The following ZNF18 variants were observed in gnomAD, a reference collection of about 807,000 sequenced individuals.
The protein encoded by ZNF18 is heart development-specific gene 1 protein.
A neutral mutation model predicts 58.1 loss-of-function variants in ZNF18; 42 were observed. The observed-to-expected ratio is 0.72, with a 90% CI of 0.56 to 0.93. ZNF18 has a LOEUF of 0.93. ZNF18 is among the 40% of genes least tolerant of loss of function. The pLI, the probability that ZNF18 is intolerant of heterozygous loss-of-function variation, is 0.00. For missense variants in ZNF18, 540 were observed against 644.2 expected, an observed-to-expected ratio of 0.84 and a Z score of 1.75; for synonymous variants, 231 against 239.8, an observed-to-expected ratio of 0.96 and a Z score of 0.34.
rs771514320 is a variant in ZNF18, at chr17:11,992,845, G to C, written c.-16C>G. The stretch of plus-strand genomic sequence containing the variant: ...CAACGGGCATTGTCCAGCCTGGCAA[G>C]TCCTTTTAAGTAAAGTGCTTCTGCA... On this transcript the variant is annotated 5_prime_UTR_variant, in exon 2 of 7. Transcript: ENST00000580306. 1.2e-6 allele frequency: 2 copies of C among 1,600,896 alleles called. No individual in the cohort carries two copies. The highest frequency in any genetic ancestry group is 2.2e-5 in the South Asian group (2 of 90,532).
chr17:12,017,530 A>C, the ZNF18 span, among the ~76,000 whole-genome samples: 1 of 152,198 alleles, frequency 6.6e-6, no homozygotes, highest in East Asian at 1.9e-4. Flanking sequence ...TGGGGTCCTA[A>C]GGTGAAATCC....
chr17:12,006,446 G>A, the ZNF18 span, among the ~76,000 whole-genome samples: 2 of 152,182 alleles, frequency 1.3e-5, no homozygotes, highest in African/African-American at 4.8e-5. Flanking sequence ...AGAATTAAAT[G>A]AGACAATATA....
chr17:11,982,699 T>TGTGTGTGTGTGTG (rs56065701), intron 6 of ZNF18, among the ~76,000 whole-genome samples: 2 of 149,240 alleles, frequency 1.3e-5, no homozygotes, highest in Admixed American at 6.7e-5. Context: ...TGTGTGTGTG[T>TGTGTGTGTGTGTG]AGGTTTCGCA....
At chr17:11,983,987 T>G (rs1458174868) in intron 5 of ZNF18, 126 bp downstream of exon 5, 2 of 760,966 alleles carry the variant, frequency 2.6e-6, no homozygotes, top group Non-Finnish European at 4.1e-6. Flanking sequence ...TTCCCAACTG[T>G]GTCCCTAACG....
the ZNF18 span, among the ~76,000 whole-genome samples, chr17:12,015,034 C>A: frequency 6.6e-6 from 1 of 151,606 alleles, no homozygotes; most frequent in African/African-American, 2.4e-5. Context: ...GGCAACAGAG[C>A]AAGACTCCAT....
At chr17:11,998,792 T>G (rs1006392672), upstream of ZNF18, among the ~76,000 whole-genome samples, 10 of 152,120 alleles carry the variant, frequency 6.6e-5, no homozygotes, top group African/African-American at 2.4e-4. Context: ...AAACTACTGT[T>G]TCAGCCTGAC....
chr17:12,007,277 G>A, the ZNF18 span, among the ~76,000 whole-genome samples: 1 of 152,228 alleles, frequency 6.6e-6, no homozygotes, highest in East Asian at 1.9e-4. Flanking sequence ...ATGCAGATTT[G>A]GGAAGCTTCT....
intron 1 of ZNF18, among the ~76,000 whole-genome samples, chr17:11,994,789 T>C (rs902638929): frequency 2.5e-4 from 38 of 151,822 alleles, no homozygotes; most frequent in African/African-American, 9.0e-4. Flanking sequence ...TGCAGTGAGC[T>C]GAGATCGTGC....
chr17:12,021,218 T>C, the ZNF18 span: 1 of 309,966 alleles, frequency 3.2e-6, no homozygotes, highest in Non-Finnish European at 5.9e-6. Context: ...CCGCGGCCTC[T>C]GCCTGCGCTT....
the ZNF18 span, among the ~76,000 whole-genome samples, chr17:12,010,582 A>AT: frequency 1.5e-4 from 23 of 151,786 alleles, no homozygotes; most frequent in Admixed American, 5.3e-4. Context: ...CGCCCAGCTA[A>AT]TTTTTTTGTA....
the ZNF18 span, among the ~76,000 whole-genome samples, chr17:12,010,075 G>A: frequency 1.3e-5 from 2 of 151,960 alleles, no homozygotes; most frequent in East Asian, 3.9e-4. Flanking sequence ...GTCGAGAATA[G>A]ATTAGAATAG....
the ZNF18 span, among the ~76,000 whole-genome samples, chr17:12,005,513 T>C: frequency 1.3e-5 from 2 of 152,186 alleles, no homozygotes. Context: ...AATTACCAGA[T>C]GGCATTGAAA....
upstream of ZNF18, among the ~76,000 whole-genome samples, chr17:12,000,711 T>C (rs936733856): frequency 1.3e-5 from 2 of 152,014 alleles, no homozygotes; most frequent in Non-Finnish European, 2.9e-5. Context: ...AGCGAAACTC[T>C]GTCAGAAAGA....
At chr17:12,010,907 A>C in the ZNF18 span, 1 of 536,550 alleles carries the variant, frequency 1.9e-6, no homozygotes, top group African/African-American at 1.9e-5. Context: ...CACTTGTTTC[A>C]GGAAGCTATC....
chr17:12,006,341 A>G, the ZNF18 span, among the ~76,000 whole-genome samples: 94,759 of 151,962 alleles, frequency 0.62, 30,267 homozygotes, highest in East Asian at 0.81. Context: ...AATATCCCCA[A>G]TATAATAATA....
upstream of ZNF18, among the ~76,000 whole-genome samples, chr17:11,998,846 T>G (rs75754250): frequency 0.33 from 38,268 of 115,616 alleles, 4,756 homozygotes; most frequent in East Asian, 0.5. Flanking sequence ...TTTTTTTTTT[T>G]TGTATTTTTG....
chr17:11,998,045 T>A (rs1197384435), upstream of ZNF18, among the ~76,000 whole-genome samples: 1 of 132,438 alleles, frequency 7.6e-6, no homozygotes, highest in Non-Finnish European at 1.7e-5. Flanking sequence ...TCCACCTGCG[T>A]CTCTCTCTCT....
chr17:11,981,856 A>G (rs774240396), intron 6 of ZNF18, among the ~76,000 whole-genome samples: 1 of 152,096 alleles, frequency 6.6e-6, no homozygotes, highest in Non-Finnish European at 1.5e-5. Flanking sequence ...ACAACCCACT[A>G]TAAGTTCTAT....
At chr17:11,983,795 G>C (rs1967539289) in intron 5 of ZNF18, among the ~76,000 whole-genome samples, 1 of 152,164 alleles carries the variant, frequency 6.6e-6, no homozygotes, top group South Asian at 2.1e-4. Flanking sequence ...CTATGTGGCA[G>C]TGGGTAAGTA....
Sources: allele counts gnomAD v4.1 joint callset (sites outside exome capture counted in the v4.1 genomes callset), GRCh38; gene constraint gnomAD v4.1.1; transcripts MANE v1.5; gene names NCBI Gene and HGNC (gene_info 2026-07-23, HGNC 2026-07-21).